EDIL3: variants seen among roughly 807,000 people sequenced by gnomAD.
EDIL3 encodes the protein EGF-like repeat and discoidin I-like domain-containing protein 3.
EDIL3 carries 37 observed loss-of-function variants against 67.4 expected under a neutral mutation model. The observed-to-expected ratio is 0.55, with a 90% CI of 0.42 to 0.72. The LOEUF is 0.72. Among genes scored for constraint, EDIL3 ranks in the 30% least tolerant of loss-of-function variants. The probability of loss-of-function intolerance (pLI) is 0.00; values close to 1 mark genes in which losing one functional copy is unlikely to be tolerated. For synonymous variants in EDIL3, 195 were observed against 196.3 expected (o/e 0.99, Z 0.05); for missense variants, 527 against 586.3 (o/e 0.90, Z 1.04).
intron 9 of EDIL3, among the ~76,000 whole-genome samples, chr5:84,034,651 C>A (rs1158180588): frequency 1.3e-5 from 2 of 152,108 alleles, no homozygotes; most frequent in African/African-American, 4.8e-5. Flanking sequence ...TATGGTTACA[C>A]CTTTCATAGA....
chr5:84,016,030 C>T (rs912849618), intron 9 of EDIL3, among the ~76,000 whole-genome samples: 2 of 152,206 alleles, frequency 1.3e-5, no homozygotes, highest in African/African-American at 4.8e-5. Context: ...TTTTCTGCTC[C>T]TCTCCCTCCT....
chr5:84,052,082 G>A (rs1746350451), intron 9 of EDIL3, among the ~76,000 whole-genome samples: 1 of 152,232 alleles, frequency 6.6e-6, no homozygotes, highest in South Asian at 2.1e-4. Flanking sequence ...ACCCACAAAG[G>A]GAAGCCCATC....
chr5:84,208,880 T>C (rs1033118290), intron 3 of EDIL3, among the ~76,000 whole-genome samples: 6 of 151,996 alleles, frequency 3.9e-5, no homozygotes, highest in Admixed American at 6.6e-5. Flanking sequence ...ACTGGGTATA[T>C]ACCCAAAGGA....
At chr5:84,135,178 T>C (rs1748065269) in intron 5 of EDIL3, among the ~76,000 whole-genome samples, 1 of 152,142 alleles carries the variant, frequency 6.6e-6, no homozygotes, top group Admixed American at 6.6e-5. Flanking sequence ...TGCCACTTCT[T>C]AGACTCATTC....
chr5:84,041,484 T>C (rs954188852), intron 9 of EDIL3, among the ~76,000 whole-genome samples: 2 of 150,998 alleles, frequency 1.3e-5, no homozygotes, highest in South Asian at 4.1e-4. Context: ...GCTTTATTTT[T>C]AGAATTTTCC....
At chr5:84,301,422 G>C in intron 1 of EDIL3, among the ~76,000 whole-genome samples, 1 of 152,192 alleles carries the variant, frequency 6.6e-6, no homozygotes, top group South Asian at 2.1e-4. Flanking sequence ...TTTTAGACTT[G>C]TCAATCTCAA....
At chr5:84,155,314 A>G (rs768461667) in intron 4 of EDIL3, among the ~76,000 whole-genome samples, 17 of 152,320 alleles carry the variant, frequency 1.1e-4, no homozygotes, top group Non-Finnish European at 1.8e-4. Context: ...GTCTTTTAAT[A>G]TATGGTTGCT....
intron 6 of EDIL3, among the ~76,000 whole-genome samples, chr5:84,073,629 C>A (rs1413594520): frequency 6.6e-6 from 1 of 151,964 alleles, no homozygotes; most frequent in Non-Finnish European, 1.5e-5. Flanking sequence ...ACCTAGGAAT[C>A]CAACTTACAA....
chr5:84,031,616 T>C lies in EDIL3; in HGVS notation c.1137+28684A>G, dbSNP rs759565297. 2.6e-5 allele frequency among the ~76,000 whole-genome samples: 4 copies of C among 152,314 alleles called. No homozygotes were observed. The East Asian group carries it at 5.8e-4, about 22-fold the overall frequency. ...GTTCCTCTTTCTCTGCTGTCTACCA[T>C]GTGAGGACACATCAAGAAGATGGTC... On this transcript the variant is annotated intron_variant, in intron 9 of 10. Transcript: ENST00000296591.
chr5:84,135,286 A>G (rs1748068385), intron 5 of EDIL3, among the ~76,000 whole-genome samples: 1 of 152,008 alleles, frequency 6.6e-6, no homozygotes, highest in South Asian at 2.1e-4. Flanking sequence ...CTCCCCCGCA[A>G]TTGTTCCCCT....
intron 3 of EDIL3, among the ~76,000 whole-genome samples, chr5:84,202,167 A>G (rs532460968): frequency 6.6e-6 from 1 of 152,244 alleles, no homozygotes; most frequent in South Asian, 2.1e-4. Flanking sequence ...CATTTCTTAC[A>G]TACATTTTAA....
intron 9 of EDIL3, among the ~76,000 whole-genome samples, chr5:83,989,509 A>C (rs1745113504): frequency 6.6e-6 from 1 of 152,236 alleles, no homozygotes; most frequent in Admixed American, 6.5e-5. Flanking sequence ...AATATGGAGT[A>C]TCCCTGATGG....
intron 1 of EDIL3, among the ~76,000 whole-genome samples, chr5:84,263,188 T>G (rs1052826257): frequency 2.6e-5 from 4 of 152,042 alleles, no homozygotes; most frequent in African/African-American, 9.7e-5. Flanking sequence ...CAAGAAAGCA[T>G]GAGAGAGGGC....
intron 9 of EDIL3, among the ~76,000 whole-genome samples, chr5:83,972,636 A>G (rs1744813109): frequency 6.6e-6 from 1 of 152,052 alleles, no homozygotes; most frequent in Non-Finnish European, 1.5e-5. Context: ...GTGTTTGAAA[A>G]AACTCAACCA....
Position 84,164,452 on chromosome 5 carries a change from T to C in EDIL3, c.355+15941A>G, listed in dbSNP as rs1211802001. Among the ~76,000 whole-genome samples the C allele has an allele frequency of 2.0e-5, 3 of 152,178 alleles. No homozygotes were observed. In the East Asian group the frequency reaches 5.8e-4, roughly 29 times the overall value. On this transcript the variant is annotated intron_variant, in intron 4 of 10. Transcript: ENST00000296591. ...ATAAATATTTATAGTACAGCTACCA[T>C]GTGACAGGCACCCTTGAAAGATATA...
chr5:84,244,359 C>T (rs1744863284), intron 2 of EDIL3, among the ~76,000 whole-genome samples: 1 of 152,110 alleles, frequency 6.6e-6, no homozygotes, highest in Non-Finnish European at 1.5e-5. Context: ...CAACTCACTG[C>T]AACCTCTGCC....
chr5:84,189,419 T>G (rs1743534078), intron 3 of EDIL3, among the ~76,000 whole-genome samples: 1 of 151,998 alleles, frequency 6.6e-6, no homozygotes, highest in African/African-American at 2.4e-5. Context: ...CTTTATATAT[T>G]AATTCCACAA....
intron 4 of EDIL3, among the ~76,000 whole-genome samples, chr5:84,153,558 G>C (rs1016448641): frequency 3.3e-5 from 5 of 151,872 alleles, no homozygotes; most frequent in African/African-American, 1.2e-4. Flanking sequence ...GACCTCCCAG[G>C]TTCAAGCAAT....
At chr5:84,244,263 C>CA (rs1297731326) in intron 2 of EDIL3, among the ~76,000 whole-genome samples, 1 of 152,048 alleles carries the variant, frequency 6.6e-6, no homozygotes, top group Non-Finnish European at 1.5e-5. Context: ...TCCAACCTAT[C>CA]AAAACACTTA....
Sources: gnomAD v4.1 joint callset for allele counts (sites outside exome capture counted in the v4.1 genomes callset) on GRCh38, gnomAD v4.1.1 for gene constraint, MANE v1.5 for transcripts, NCBI Gene and HGNC (gene_info 2026-07-23, HGNC 2026-07-21) for gene names.